PNLIPRP1: variants seen among roughly 807,000 people sequenced by gnomAD.
PNLIPRP1 encodes pancreatic lipase related protein 1.
Under a neutral mutation model 54.6 loss-of-function variants are expected in PNLIPRP1, and 57 were observed. The observed-to-expected ratio is 1.04, with a 90% CI of 0.84 to 1.30. The LOEUF is 1.30. Ranked by LOEUF, PNLIPRP1 falls within the 50% of genes most tolerant of loss-of-function variation. The pLI, the probability that PNLIPRP1 is intolerant of heterozygous loss-of-function variation, is 0.00. For missense variants in PNLIPRP1, 567 were observed against 568.5 expected, an observed-to-expected ratio of 1.00 and a Z score of 0.03; for synonymous variants, 232 against 208.8, an observed-to-expected ratio of 1.11 and a Z score of -0.96.
In PNLIPRP1 at chr10:116,604,098, T is replaced by C; in HGVS notation, c.1132T>C (p.Phe378Leu). 6.2e-7 allele frequency: 1 copy of C among 1,613,324 alleles called. No homozygotes were observed. The highest frequency in any genetic ancestry group is 8.5e-7 in the Non-Finnish European group (1 of 1,179,318). ...CACTGGTCAGATCAAAGTTGCTTTG[T>C]TTGGAAATAAGGGAAACACTCACCA... ...TATGQIKVALFGNKGNTHQYS... is the reference protein window; with the variant it reads ...TATGQIKVALLGNKGNTHQYS... Residue 378 changes from phenylalanine to leucine, a missense_variant, in exon 11 of 13, where the codon TTT becomes CTT. Physicochemically the swap from Phe to Leu is conservative, Grantham distance 22. Coordinates refer to ENST00000358834, the MANE Select transcript of PNLIPRP1 (RefSeq NM_006229.4).
chr10:116,607,998 G>T (rs1357586185), intron 12 of PNLIPRP1, among the ~76,000 whole-genome samples: 1 of 152,106 alleles, frequency 6.6e-6, no homozygotes, highest in African/African-American at 2.4e-5. Context: ...TGGGATTACA[G>T]GCATGCACCA....
chr10:116,599,319 A>G (rs547470140), intron 8 of PNLIPRP1, among the ~76,000 whole-genome samples: 1 of 152,276 alleles, frequency 6.6e-6, no homozygotes, highest in East Asian at 1.9e-4. Context: ...ATGAGGACAT[A>G]TGCAGTTTGT....
Position 116,596,779 on chromosome 10 carries a change from T to C in PNLIPRP1, c.574+457T>C, listed in dbSNP as rs933783397. Among the ~76,000 whole-genome samples, 5 of 152,316 alleles carry C rather than the reference T, an allele frequency of 3.3e-5. No homozygotes were observed. The South Asian group carries it at 1.0e-3, about 32-fold the overall frequency. On this transcript the variant is annotated intron_variant, in intron 6 of 12. Coordinates refer to ENST00000358834, the MANE Select transcript of PNLIPRP1 (RefSeq NM_006229.4). The stretch of plus-strand genomic sequence containing the variant: ...AGTAGAAGAAACCCAGTCGCCATTA[T>C]GGCCAAAAGCATTCTTTTAACCCAA...
chr10:116,591,055 C>G, intron 1 of PNLIPRP1, 60 bp downstream of exon 1: 1 of 1,174,158 alleles, frequency 8.5e-7, no homozygotes, highest in Admixed American at 1.7e-5. Context: ...GTAAACAGTA[C>G]TGAAGTCCAG....
At chr10:116,603,949 A>G (rs1847892300) in intron 10 of PNLIPRP1, 81 bp from the exon 11 acceptor site, 2 of 670,746 alleles carry the variant, frequency 3.0e-6, no homozygotes, top group Non-Finnish European at 5.1e-6. Flanking sequence ...GTTGCCTCAG[A>G]GTAAGAGAAG....
At chr10:116,607,583 C>T (rs1406796876) in intron 12 of PNLIPRP1, among the ~76,000 whole-genome samples, 6 of 151,970 alleles carry the variant, frequency 3.9e-5, no homozygotes, top group African/African-American at 1.5e-4. Context: ...GGCCCAAGTG[C>T]AGGGAATATG....
At chr10:116,606,506 A>G (rs1847939586) in intron 12 of PNLIPRP1, among the ~76,000 whole-genome samples, 1 of 152,008 alleles carries the variant, frequency 6.6e-6, no homozygotes, top group Admixed American at 6.6e-5. Context: ...TTCCTCCCTG[A>G]CCCCATCAGA....
intron 6 of PNLIPRP1, among the ~76,000 whole-genome samples, chr10:116,596,994 T>C (rs186438085): frequency 5.3e-5 from 8 of 152,300 alleles, no homozygotes; most frequent in Non-Finnish European, 8.8e-5. Context: ...GGCTCAGGGA[T>C]GCAAATAACT....
At chr10:116,594,302 C>T (rs1321759544) in intron 4 of PNLIPRP1, 2 of 510,398 alleles carry the variant, frequency 3.9e-6, no homozygotes, top group Non-Finnish European at 7.8e-6. Context: ...TGAAACTTCT[C>T]TCTCACTTTC....
chr10:116,601,249 T>C, intron 10 of PNLIPRP1, 48 bp downstream of exon 10: 1 of 1,555,640 alleles, frequency 6.4e-7, no homozygotes, highest in East Asian at 2.3e-5. Context: ...GTATATAGTT[T>C]CTGTTACAAA....
Position 116,592,448 on chromosome 10 carries a change from G to A in PNLIPRP1, c.237G>A (p.Glu79=), listed in dbSNP as rs147770144. 39 of 1,612,818 alleles carry A rather than the reference G, an allele frequency of 2.4e-5. No individual in the cohort carries two copies. The African/African-American group carries it at 5.2e-4, about 22-fold the overall frequency. ...TCCTCTCTGATCCATCAACAATTGA[G>A]GCATCAAATTTTCAAATGGACAGAA... The part of the protein sequence containing the change: ...ILLLSDPSTI[E]ASNFQMDRKT... The change falls in exon 4 of 13, where the codon GAG becomes GAA. Residue 79 remains glutamate (E), a synonymous_variant. Transcript: ENST00000358834.
chr10:116,595,990 T>A (rs1165627577), intron 5 of PNLIPRP1: 1 of 480,132 alleles, frequency 2.1e-6, no homozygotes, highest in Middle Eastern at 4.7e-4. Context: ...GAGGCTATGA[T>A]GTATTCGAGG....
chr10:116,605,479 CAAT>C lies in PNLIPRP1; in HGVS notation c.1267_1269del (p.Asn423del), dbSNP rs1249404276. 1.9e-6 allele frequency: 3 copies of C among 1,610,752 alleles called. No individual in the cohort carries two copies. The highest frequency in any genetic ancestry group is 2.5e-6 in the Non-Finnish European group (3 of 1,177,478). On this transcript the variant is annotated inframe_deletion, in exon 12 of 13. Transcript: ENST00000358834. ...AGAAAGTCAAGTTTCTTTGGAATAA[CAAT>C]GTGATAAATCCAACCCTCCCCAAAG...
At chr10:116,608,930 C>A (rs1333399560) in intron 12 of PNLIPRP1, 123 bp from the exon 13 acceptor site, 14 of 778,458 alleles carry the variant, frequency 1.8e-5, no homozygotes, top group Non-Finnish European at 3.2e-5. Flanking sequence ...CACTCATCAA[C>A]TGTGACCTGG....
At chr10:116,592,395 G>T in intron 3 of PNLIPRP1, 21 bp from the exon 4 acceptor site, 1 of 1,577,324 alleles carries the variant, frequency 6.3e-7, no homozygotes. Flanking sequence ...AAAACATGAA[G>T]CACTTCTGCG....
intron 10 of PNLIPRP1, among the ~76,000 whole-genome samples, chr10:116,602,092 T>C (rs1361061237): frequency 6.6e-6 from 1 of 151,282 alleles, no homozygotes; most frequent in Non-Finnish European, 1.5e-5. Context: ...CTTGGCTCAC[T>C]ACAACCTCCC....
chr10:116,594,964 G>T (rs1847710157), intron 5 of PNLIPRP1, 100 bp downstream of exon 5: 1 of 1,389,716 alleles, frequency 7.2e-7, no homozygotes, highest in Admixed American at 2.1e-5. Flanking sequence ...GAAGGACAAA[G>T]AATTGATATC....
intron 10 of PNLIPRP1, among the ~76,000 whole-genome samples, chr10:116,602,508 G>C (rs753798882): frequency 2.0e-5 from 3 of 152,214 alleles, no homozygotes; most frequent in African/African-American, 7.2e-5. Context: ...GGACGAACAA[G>C]AGACTCCTCT....
At chr10:116,597,154 T>C (rs1216070814) in intron 6 of PNLIPRP1, among the ~76,000 whole-genome samples, 6 of 152,190 alleles carry the variant, frequency 3.9e-5, no homozygotes, top group African/African-American at 9.6e-5. Flanking sequence ...GCTGCTGTAA[T>C]GAAGCCTTCA....
Sources: gnomAD v4.1 joint callset for allele counts (sites outside exome capture counted in the v4.1 genomes callset) on GRCh38, gnomAD v4.1.1 for gene constraint, MANE v1.5 for transcripts, NCBI Gene and HGNC (gene_info 2026-07-23, HGNC 2026-07-21) for gene names.